EP400: variants seen among roughly 807,000 people sequenced by gnomAD.
The protein encoded by EP400 is E1A-binding protein p400.
In EP400, 105 loss-of-function variants were observed where a neutral mutation model predicts 354.1. That is an observed-to-expected ratio of 0.30 (90% CI 0.25 to 0.35). EP400 has a LOEUF of 0.35. Ranked by LOEUF, EP400 falls within the 10% of genes least tolerant of loss-of-function variation. The pLI, the probability that EP400 is intolerant of heterozygous loss-of-function variation, is 1.00. For synonymous variants in EP400, 1,646 were observed against 1,716.9 expected (o/e 0.96, Z 1.02); for missense variants, 3,280 against 4,121.0 (o/e 0.80, Z 5.59).
chr12:132,053,593 T>C lies in EP400; in HGVS notation c.7724T>C (p.Val2575Ala). 8 of 1,545,384 alleles carry C rather than the reference T, an allele frequency of 5.2e-6. No individual in the cohort carries two copies. The highest frequency in any genetic ancestry group is 1.4e-5 in the African/African-American group (1 of 72,802). The change falls in exon 43 of 53, where the codon GTA becomes GCA. Residue 2575 changes from valine (V) to alanine (A), a missense_variant. Transcript: ENST00000389561. ...ATCACGACGGGGGGCAGTGCAGCCG[T>C]ACTGGTGAGCAGGGGCCTCCTCCCG... is the stretch of plus-strand genomic sequence containing the variant. Reference protein sequence around the residue: ...PAITTGGSAAVLAGTIKTSVT... With the variant: ...PAITTGGSAAALAGTIKTSVT...
In EP400 at chr12:131,986,577, T is replaced by A; in HGVS notation, c.1993T>A (p.Ser665Thr). The A allele has an allele frequency of 6.2e-7, 1 of 1,613,876 alleles. No individual in the cohort carries two copies. Among genetic ancestry groups the A allele is most frequent in the Non-Finnish European group, 8.5e-7 (1 of 1,179,910 alleles). ...APPCPRPLPT[S>T]STSSLAPVSG... ...GCCCTGCCCACGGCCTCTGCCCACC[T>A]CTTCTACCTCGTCCCTCGCGCCTGT... The change falls in exon 6 of 53, where the codon TCT becomes ACT. Residue 665 changes from serine (S) to threonine (T), a missense_variant. Coordinates refer to ENST00000389561, the MANE Select transcript of EP400 (RefSeq NM_015409.5).
Position 132,044,728 on chromosome 12 carries a change from C to G in EP400, c.6630+13C>G, listed in dbSNP as rs555876246. 4.3e-6 allele frequency: 7 copies of G among 1,614,086 alleles called. No homozygotes were observed. The highest frequency in any genetic ancestry group is 1.1e-5 in the South Asian group (1 of 91,086). On this transcript the variant is annotated intron_variant, in intron 36 of 52. Transcript: ENST00000389561. The stretch of plus-strand genomic sequence containing the variant: ...AGAAGTCATGCCGGTGAGTGCTGCC[C>G]TCTCCCTTTGTGTCTGTGTGGGCAG...
At chr12:132,031,841 C>A in intron 29 of EP400, 112 bp from the exon 30 acceptor site, 1 of 1,144,906 alleles carries the variant, frequency 8.7e-7, no homozygotes, top group Non-Finnish European at 1.2e-6. Flanking sequence ...AGGTGTGAGC[C>A]GCCACGCCCG....
At position 131,961,492 on chromosome 12, in the gene EP400, C is replaced by A; in HGVS notation, c.873C>A (p.Pro291=). Residue 291 remains proline (P), a synonymous_variant, in exon 2 of 53, where the codon CCC becomes CCA. Transcript: ENST00000389561. ...QVLQGPPLPR[P]LGFERTPGVL... ...TGCAGGGGCCGCCGCTGCCCCGGCC[C>A]CTGGGCTTCGAGAGGACACCCGGCG... is the stretch of plus-strand genomic sequence containing the variant. The A allele has an allele frequency of 6.4e-7, 1 of 1,573,594 alleles. No individual in the cohort carries two copies. Among genetic ancestry groups the A allele is most frequent in the South Asian group, 1.1e-5 (1 of 87,606 alleles).
At position 132,011,295 on chromosome 12, in the gene EP400, C is replaced by T. The variant is rs867167294; in HGVS notation, c.3305-203C>T. ...TGCAGGCTTGGTGCTTGTGCAGCAG[C>T]GCCCTGGGGGCCAAGGAGCAGCTTC... On this transcript the variant is annotated intron_variant, in intron 15 of 52. Coordinates refer to ENST00000389561, the MANE Select transcript of EP400 (RefSeq NM_015409.5). Among the ~76,000 whole-genome samples, 9 of 152,338 alleles carry T rather than the reference C, an allele frequency of 5.9e-5. No homozygotes were observed. The Middle Eastern group carries it at 0.017, about 288-fold the overall frequency.
At chr12:131,952,983 C>T (rs1341313477) in intron 1 of EP400, among the ~76,000 whole-genome samples, 1 of 152,128 alleles carries the variant, frequency 6.6e-6, no homozygotes, top group East Asian at 1.9e-4. Context: ...CCCACAGCTA[C>T]CAAATTTGGA....
At position 132,069,685 on chromosome 12, in the gene EP400, G is replaced by T. The variant is rs201577828; in HGVS notation, c.9021+44G>T. The T allele has an allele frequency of 7.5e-6, 12 of 1,607,868 alleles. No individual in the cohort carries two copies. The East Asian group carries it at 2.5e-4, about 33-fold the overall frequency. On this transcript the variant is annotated intron_variant, in intron 51 of 52. Coordinates refer to ENST00000389561, the MANE Select transcript of EP400 (RefSeq NM_015409.5). Reference sequence around the variant, plus strand: ...GAGGGCCCGAGTGTCAGGAGTGGGTGCCCGGCCTTTGGATTGTGTGTCTCG... The same window carrying T: ...GAGGGCCCGAGTGTCAGGAGTGGGTTCCCGGCCTTTGGATTGTGTGTCTCG...
chr12:132,071,215 C>T (rs1322814109), intron 51 of EP400, among the ~76,000 whole-genome samples: 2 of 151,746 alleles, frequency 1.3e-5, no homozygotes, highest in African/African-American at 4.8e-5. Flanking sequence ...GTTTAAAGCC[C>T]ATGTGTATGA....
chr12:131,986,437 G>A (rs1892856763), intron 5 of EP400, 77 bp from the exon 6 acceptor site: 7 of 1,452,122 alleles, frequency 4.8e-6, no homozygotes, highest in African/African-American at 1.4e-5. Context: ...GGTGCTGTGG[G>A]CGCTCAGGTA....
intron 2 of EP400, among the ~76,000 whole-genome samples, chr12:131,970,061 C>T (rs950015274): frequency 4.6e-5 from 7 of 152,004 alleles, no homozygotes; most frequent in Non-Finnish European, 7.4e-5. Flanking sequence ...GCCTCCGCCC[C>T]GCCAAGAAAA....
At chr12:132,055,289 CTTTTT>C (rs530192788) in intron 45 of EP400, 81 bp downstream of exon 45, 2 of 1,146,814 alleles carry the variant, frequency 1.7e-6, no homozygotes, top group African/African-American at 3.1e-5. Flanking sequence ...TCTTCTTCTT[CTTTTT>C]AAGTATTCCA....
chr12:132,028,084 C>T lies in EP400; in HGVS notation c.5177C>T (p.Ser1726Phe), dbSNP rs565601753. The T allele has an allele frequency of 6.2e-7, 1 of 1,614,112 alleles. No homozygotes were observed. The highest frequency in any genetic ancestry group is 1.3e-5 in the African/African-American group (1 of 74,932). The change falls in exon 27 of 53, where the codon TCT (serine) becomes TTT (phenylalanine). Residue 1726 changes from serine (S) to phenylalanine (F), a missense_variant. This residue lies in a region of EP400 where 459 missense variants were observed against 496.9 expected (regional missense o/e 0.92). Coordinates refer to ENST00000389561, the MANE Select transcript of EP400 (RefSeq NM_015409.5). Reference protein sequence around the residue: ...QIYLVNERRCSQAPVYGRDLL... With the variant: ...QIYLVNERRCFQAPVYGRDLL... The stretch of plus-strand genomic sequence containing the variant: ...TATTTAGTCAACGAGCGGCGCTGTT[C>T]TCAAGCTCCAGTCTATGGCAGAGAC...
chr12:131,992,248 A>ACTG lies in EP400; in HGVS notation c.2737+20_2737+21insGCT. On this transcript the variant is annotated intron_variant, in intron 11 of 52. Transcript: ENST00000389561. ...TGACGAAGGTCTGTTCCCCCTCAGC[A>ACTG]CTATCTTTGTCATCTCCAGGGCTGC... 1 of 1,605,712 alleles carries ACTG rather than the reference A, an allele frequency of 6.2e-7. No homozygotes were observed. Among genetic ancestry groups the ACTG allele is most frequent in the Non-Finnish European group, 8.5e-7 (1 of 1,177,678 alleles).
At chr12:132,008,025 T>A (rs1456932489) in intron 15 of EP400, among the ~76,000 whole-genome samples, 1 of 152,094 alleles carries the variant, frequency 6.6e-6, no homozygotes, top group East Asian at 1.9e-4. Context: ...CTTGGCTCAC[T>A]GCAACCTCCG....
At chr12:131,988,307 G>A (rs541799473) in intron 7 of EP400, among the ~76,000 whole-genome samples, 2 of 152,338 alleles carry the variant, frequency 1.3e-5, no homozygotes, top group South Asian at 4.1e-4. Context: ...GATCAAGCCT[G>A]TGCTCAGTGC....
At chr12:131,981,461 A>G in intron 3 of EP400, 28 bp from the exon 4 acceptor site, 1 of 1,518,378 alleles carries the variant, frequency 6.6e-7, no homozygotes, top group East Asian at 2.4e-5. Flanking sequence ...TTTACATCAA[A>G]CTGCACCTTT....
In EP400 at chr12:132,006,842, T is replaced by A; in HGVS notation, c.3269T>A (p.Ile1090Asn). ...DEAGLGKTVQIIAFFAHLACN... is the reference protein window; with the variant it reads ...DEAGLGKTVQNIAFFAHLACN... The stretch of plus-strand genomic sequence containing the variant: ...GCTGGGCTGGGTAAAACAGTGCAGA[T>A]CATTGCTTTTTTTGCCCACCTAGCT... The change falls in exon 15 of 53, where the codon ATC becomes AAC. Residue 1090 changes from isoleucine (I) to asparagine (N), a missense_variant. Physicochemically the swap from Ile to Asn is moderately radical, Grantham distance 149. Around this residue, in one of 20 missense-constraint regions of EP400, gnomAD observed 242 missense variants for 357.9 expected, o/e 0.68. Coordinates refer to ENST00000389561, the MANE Select transcript of EP400 (RefSeq NM_015409.5). 6.2e-7 allele frequency: 1 copy of A among 1,613,730 alleles called. No homozygotes were observed. Among genetic ancestry groups the A allele is most frequent in the Non-Finnish European group, 8.5e-7 (1 of 1,179,928 alleles).
At position 131,990,491 on chromosome 12, in the gene EP400, T is replaced by C; in HGVS notation, c.2551-145T>C. ...GAACCTGGGCAGGATGTAGTTAGTATGAAATAAATGAAAAAGCACCAAACT... is the reference window on the plus strand; with the variant it reads ...GAACCTGGGCAGGATGTAGTTAGTACGAAATAAATGAAAAAGCACCAAACT... On this transcript the variant is annotated intron_variant, in intron 8 of 52. Transcript: ENST00000389561. The surrounding 1 kb of genome is among the most constrained non-coding windows in gnomAD (Gnocchi z 4.2). 4.6e-6 allele frequency: 3 copies of C among 646,512 alleles called. No homozygotes were observed. Among genetic ancestry groups the C allele is most frequent in the Non-Finnish European group, 8.0e-6 (3 of 376,556 alleles). The allele number at this position is 646,512 out of a possible 1,614,324, so 40.0% of individuals were successfully genotyped here.
chr12:131,982,063 A>C (rs1056240878), intron 4 of EP400, 30 bp from the exon 5 acceptor site: 1 of 1,500,856 alleles, frequency 6.7e-7, no homozygotes, highest in African/African-American at 1.4e-5. Context: ...CTTGGGAATC[A>C]GTGCTTTTGG....
Sources: gnomAD v4.1 joint callset for allele counts (sites outside exome capture counted in the v4.1 genomes callset) on GRCh38, gnomAD v4.1.1 for gene constraint, gnomAD v4.1.1 regional missense constraint, Gnocchi (gnomAD v3.1) non-coding constraint, MANE v1.5 for transcripts, NCBI Gene and HGNC (gene_info 2026-07-23, HGNC 2026-07-21) for gene names.